Variants in ITPRIP observed in about 807,000 individuals in gnomAD.
ITPRIP encodes inositol 1,4,5-trisphosphate receptor interacting protein.
A neutral mutation model predicts 35.8 loss-of-function variants in ITPRIP; 32 were observed. The ratio of observed to expected loss-of-function variants is 0.89; its 90% CI spans 0.68 to 1.20. The LOEUF (loss-of-function observed/expected upper bound fraction) is 1.20, where lower values mean the gene tolerates loss of function less well. ITPRIP is among the 50% of genes most tolerant of loss of function. ITPRIP has a pLI of 0.00. For missense variants in ITPRIP, 653 were observed against 735.6 expected (o/e 0.89, Z 1.30); for synonymous variants, 358 against 324.0 (o/e 1.11, Z -1.13).
In ITPRIP at chr10:104,313,055, A is replaced by G. The variant is rs2013527612; in HGVS notation, c.*1353T>C. On this transcript the variant is annotated 3_prime_UTR_variant, in exon 2 of 2. Transcript: ENST00000337478. The stretch of plus-strand genomic sequence containing the variant: ...CTGCCAGGCTCTTTGGGTCTGGGTC[A>G]TCTGTGTGGTCAGCAGTGCCCACAC... 1.8e-5 allele frequency: 18 copies of G among 985,350 alleles called. No homozygotes were observed. The South Asian group carries it at 8.0e-4, about 44-fold the overall frequency. 61.0% of individuals were successfully genotyped at this position (985,350 alleles called of 1,614,324 possible).
At chr10:104,329,903 A>G (rs2014114313) in intron 1 of ITPRIP, among the ~76,000 whole-genome samples, 1 of 152,198 alleles carries the variant, frequency 6.6e-6, no homozygotes. Flanking sequence ...TCATGGTTGC[A>G]TGTTAAGGAG....
intron 1 of ITPRIP, among the ~76,000 whole-genome samples, chr10:104,317,125 C>T (rs1466885732): frequency 6.6e-6 from 1 of 152,348 alleles, no homozygotes; most frequent in South Asian, 2.1e-4. Context: ...GAAGACCTTA[C>T]CCCATATTCA....
rs2135173773 is a variant in ITPRIP at position 104,313,465 on chromosome 10, A to G, written c.*943T>C. ...TTGTGGTTGCCAATGAAGAAGTGATAGAGTTTCTTTTCCAGCTGTCCTTTG... is the reference window on the plus strand; with the variant it reads ...TTGTGGTTGCCAATGAAGAAGTGATGGAGTTTCTTTTCCAGCTGTCCTTTG... On this transcript the variant is annotated 3_prime_UTR_variant, in exon 2 of 2. Transcript: ENST00000337478. 3.0e-6 allele frequency: 3 copies of G among 985,740 alleles called. No homozygotes were observed. The highest frequency in any genetic ancestry group is 3.6e-6 in the Non-Finnish European group (3 of 830,114). 61.1% of individuals were successfully genotyped at this position (985,740 alleles called of 1,614,324 possible).
At position 104,328,621 on chromosome 10, in the gene ITPRIP, G is replaced by A. The variant is rs1200513144; in HGVS notation, c.-14+9625C>T. Among the ~76,000 whole-genome samples the A allele has an allele frequency of 6.6e-6, 1 of 152,012 alleles. No individual in the cohort carries two copies. ...AAGGAGGGAACAAAGCCCTCCCTTGGCCACTCCCCGCCCCCTTCCACTTTC... is the reference window on the plus strand; with the variant it reads ...AAGGAGGGAACAAAGCCCTCCCTTGACCACTCCCCGCCCCCTTCCACTTTC... On this transcript the variant is annotated intron_variant, in intron 1 of 1. Coordinates refer to ENST00000337478, the MANE Select transcript of ITPRIP (RefSeq NM_001272013.2). This position sits in a 1 kb window ranked among gnomAD's most constrained non-coding sequence, Gnocchi z 4.1.
chr10:104,329,476 C>T (rs2014106081), intron 1 of ITPRIP, among the ~76,000 whole-genome samples: 1 of 152,144 alleles, frequency 6.6e-6, no homozygotes, highest in Non-Finnish European at 1.5e-5. Flanking sequence ...GGGTGCTCCA[C>T]CGAGGCTGTG....
chr10:104,330,900 G>A (rs1326613424), intron 1 of ITPRIP, among the ~76,000 whole-genome samples: 1 of 152,190 alleles, frequency 6.6e-6, no homozygotes, highest in Non-Finnish European at 1.5e-5. Flanking sequence ...ATGAAGCCAC[G>A]AGCTGTGCTG....
intron 1 of ITPRIP, among the ~76,000 whole-genome samples, chr10:104,337,676 C>A (rs1335221714): frequency 6.6e-6 from 1 of 151,964 alleles, no homozygotes; most frequent in South Asian, 2.1e-4. Flanking sequence ...AGGTCTGGCC[C>A]ACTAATAGTC....
Position 104,315,998 on chromosome 10 carries a change from G to A in ITPRIP, c.54C>T (p.Asn18=). 6.2e-7 allele frequency: 1 copy of A among 1,610,140 alleles called. No homozygotes were observed. Among genetic ancestry groups the A allele is most frequent in the Middle Eastern group, 1.7e-4 (1 of 5,752 alleles). Residue 18 remains asparagine, a synonymous_variant, in exon 2 of 2, where the codon AAC becomes AAT. Coordinates refer to ENST00000337478, the MANE Select transcript of ITPRIP (RefSeq NM_001272013.2). The surrounding 1 kb of genome is among the most constrained non-coding windows in gnomAD (Gnocchi z 5.7). The stretch of plus-strand genomic sequence containing the variant: ...TCTCCCGCGGGAACAGCAGCGGGTG[G>A]TTGATGATGGCCGTCACCACCACCA... The part of the protein sequence containing the change: ...VCLVVVTAII[N]HPLLFPRENA...
chr10:104,314,617 T>C lies in ITPRIP; in HGVS notation c.1435A>G (p.Ile479Val). The C allele has an allele frequency of 6.2e-7, 1 of 1,614,142 alleles. No individual in the cohort carries two copies. Among genetic ancestry groups the C allele is most frequent in the East Asian group, 2.2e-5 (1 of 44,870 alleles). The change falls in exon 2 of 2, where the codon ATC becomes GTC. Residue 479 changes from isoleucine (I) to valine (V), a missense_variant. Coordinates refer to ENST00000337478, the MANE Select transcript of ITPRIP (RefSeq NM_001272013.2). ...LLQKKLHHFF[I>V]GNRKVPEAMG... ...GCCTCAGGCACCTTGCGGTTGCCGA[T>C]GAAGAAGTGGTGGAGCTTCTTCTGG...
chr10:104,313,969 G>A lies in ITPRIP; in HGVS notation c.*439C>T. On this transcript the variant is annotated 3_prime_UTR_variant, in exon 2 of 2. Coordinates refer to ENST00000337478, the MANE Select transcript of ITPRIP (RefSeq NM_001272013.2). Reference sequence around the variant, plus strand: ...AGATGGTCAGGCCAGAAGCTCCTGGGAATAGGGGTGCTGGGTCTTAACACG... The same window carrying A: ...AGATGGTCAGGCCAGAAGCTCCTGGAAATAGGGGTGCTGGGTCTTAACACG... 1 of 995,332 alleles carries A rather than the reference G, an allele frequency of 1.0e-6. No homozygotes were observed. The highest frequency in any genetic ancestry group is 4.5e-5 in the South Asian group (1 of 22,270). The allele number at this position is 995,332 out of a possible 1,614,324, so 61.7% of individuals were successfully genotyped here.
Position 104,314,474 on chromosome 10 carries a change from AT to A in ITPRIP, c.1577del (p.Asn526MetfsTer102), listed in dbSNP as rs2013573572. On this transcript the variant is annotated frameshift_variant, in exon 2 of 2. Coordinates refer to ENST00000337478, the MANE Select transcript of ITPRIP (RefSeq NM_001272013.2). LOFTEE classifies it high-confidence loss of function. ...AATACTCGCTAATGAGCGCTGGGGC[AT>A]TCTTGAGCATCTCATAGAAGGAGTC... The part of the protein sequence containing the change: ...TLDSFYEMLK[N>X]APALISEYSL... The A allele has an allele frequency of 1.9e-6, 3 of 1,614,162 alleles. No individual in the cohort carries two copies. The East Asian group carries it at 6.7e-5, about 36-fold the overall frequency.
At chr10:104,332,094 G>C (rs2014161565) in intron 1 of ITPRIP, among the ~76,000 whole-genome samples, 1 of 152,162 alleles carries the variant, frequency 6.6e-6, no homozygotes, top group African/African-American at 2.4e-5. Flanking sequence ...TTTGGGGCAA[G>C]TCCCTCTGAG....
Position 104,310,589 on chromosome 10 carries a change from GTTTCCTT to G in ITPRIP, c.*3812_*3818del, listed in dbSNP as rs1220849261. The stretch of plus-strand genomic sequence containing the variant: ...TAAGTCAGTTGCCCCTTCAGTGCCT[GTTTCCTT>G]ATCTGGAAAGCAGGGAGGATAAGAA... On this transcript the variant is annotated 3_prime_UTR_variant, in exon 2 of 2. Coordinates refer to ENST00000337478, the MANE Select transcript of ITPRIP (RefSeq NM_001272013.2). 6.6e-6 allele frequency: 1 copy of G among 152,188 alleles called. No homozygotes were observed. The allele number at this position is 152,188 out of a possible 1,614,324, so 9.4% of individuals were successfully genotyped here.
At chr10:104,330,517 G>C (rs1178257547) in intron 1 of ITPRIP, among the ~76,000 whole-genome samples, 1 of 152,182 alleles carries the variant, frequency 6.6e-6, no homozygotes, top group East Asian at 1.9e-4. Flanking sequence ...CACGTTTTCT[G>C]ACCCTCAGCT....
chr10:104,324,033 A>T (rs1471132964), intron 1 of ITPRIP: 1 of 152,722 alleles, frequency 6.5e-6, no homozygotes, highest in African/African-American at 2.4e-5. Context: ...TGTAAGTAGG[A>T]GTTGACTTAT....
chr10:104,319,553 C>T (rs778169328), intron 1 of ITPRIP, among the ~76,000 whole-genome samples: 1 of 152,148 alleles, frequency 6.6e-6, no homozygotes, highest in African/African-American at 2.4e-5. Flanking sequence ...TAATCCATCT[C>T]CCCGCTTCCC....
At chr10:104,325,181 C>T (rs1170985135) in intron 1 of ITPRIP, among the ~76,000 whole-genome samples, 2 of 152,186 alleles carry the variant, frequency 1.3e-5, no homozygotes, top group East Asian at 3.9e-4. Context: ...AATGGCGCCA[C>T]TGCACTCCAA....
chr10:104,315,835 C>G lies in ITPRIP; in HGVS notation c.217G>C (p.Ala73Pro), dbSNP rs1488904924. The G allele has an allele frequency of 5.0e-6, 8 of 1,612,954 alleles. No homozygotes were observed. Among genetic ancestry groups the G allele is most frequent in the Non-Finnish European group, 6.8e-6 (8 of 1,179,320 alleles). ...AAEKEALEQV[A>P]EEGRQQNETR... ...TCGTTCTGCTGCCTGCCCTCCTCCG[C>G]CACCTGCTCCAGTGCCTCCTTTTCG... Residue 73 changes from alanine (A) to proline (P), a missense_variant, in exon 2 of 2, where the codon GCG (alanine) becomes CCG (proline). Transcript: ENST00000337478. The surrounding 1 kb of genome is among the most constrained non-coding windows in gnomAD (Gnocchi z 5.7).
intron 1 of ITPRIP, among the ~76,000 whole-genome samples, chr10:104,322,501 C>A (rs1353818216): frequency 6.6e-6 from 1 of 152,222 alleles, no homozygotes; most frequent in African/African-American, 2.4e-5. Flanking sequence ...ATCAGAAATG[C>A]CAGGGCTGGG....
Sources: gnomAD v4.1 joint callset for allele counts (sites outside exome capture counted in the v4.1 genomes callset) on GRCh38, gnomAD v4.1.1 for gene constraint, Gnocchi (gnomAD v3.1) non-coding constraint, MANE v1.5 for transcripts, NCBI Gene and HGNC (gene_info 2026-07-23, HGNC 2026-07-21) for gene names.